The following PRIM2 variants were observed in gnomAD, a reference collection of about 807,000 sequenced individuals.
PRIM2 encodes the protein DNA primase large subunit.
In PRIM2, 39 loss-of-function variants were observed where a neutral mutation model predicts 67.3. The observed-to-expected ratio is 0.58, with a 90% CI of 0.45 to 0.76. PRIM2 has a LOEUF of 0.76. Among genes scored for constraint, PRIM2 ranks in the 30% least tolerant of loss-of-function variants. The pLI is 0.00. For synonymous variants in PRIM2, 143 were observed against 198.7 expected, an observed-to-expected ratio of 0.72 and a Z score of 2.36; for missense variants, 398 against 598.7, an observed-to-expected ratio of 0.66 and a Z score of 3.50.
At chr6:57,234,887 C>T in the PRIM2 span, among the ~76,000 whole-genome samples, 11 of 152,132 alleles carry the variant, frequency 7.2e-5, no homozygotes, top group Admixed American at 2.0e-4. Flanking sequence ...GGTATTGATT[C>T]GAAGGCCAGT....
At chr6:57,298,536 A>G in the PRIM2 span, among the ~76,000 whole-genome samples, 17 of 152,180 alleles carry the variant, frequency 1.1e-4, no homozygotes, top group African/African-American at 4.1e-4. Context: ...CCTGGGAAGC[A>G]GGGCTCGGGG....
intron 5 of PRIM2, among the ~76,000 whole-genome samples, chr6:57,367,574 T>C (rs1438918470): frequency 1.3e-5 from 2 of 152,212 alleles, no homozygotes; most frequent in Non-Finnish European, 2.9e-5. Context: ...TCTCACACTT[T>C]CGAGGGTTAG....
At chr6:57,334,067 C>A (rs1445021807) in intron 5 of PRIM2, among the ~76,000 whole-genome samples, 1 of 152,128 alleles carries the variant, frequency 6.6e-6, no homozygotes, top group Non-Finnish European at 1.5e-5. Flanking sequence ...TCTTTTCCTC[C>A]CTAACCACCC....
chr6:57,617,471 C>T (rs1243851269), intron 12 of PRIM2, among the ~76,000 whole-genome samples: 2 of 152,146 alleles, frequency 1.3e-5, no homozygotes, highest in Non-Finnish European at 2.9e-5. Context: ...GCAGTGATAT[C>T]TCATTGTGGT....
chr6:57,455,639 G>GAAA (rs1451220794), intron 7 of PRIM2, among the ~76,000 whole-genome samples: 1 of 151,962 alleles, frequency 6.6e-6, no homozygotes, highest in East Asian at 1.9e-4. Context: ...CATTTGCTTG[G>GAAA]TAGATCTTCC....
chr6:57,473,806 G>A (rs1286952887), intron 7 of PRIM2, among the ~76,000 whole-genome samples: 2 of 152,084 alleles, frequency 1.3e-5, no homozygotes, highest in African/African-American at 2.4e-5. Context: ...CCCTATCTGA[G>A]GAATATCTAG....
chr6:57,470,736 CTAGTTA>C (rs1773318068), intron 7 of PRIM2, among the ~76,000 whole-genome samples: 1 of 151,920 alleles, frequency 6.6e-6, no homozygotes, highest in Admixed American at 6.6e-5. Context: ...TAAAAGCTTA[CTAGTTA>C]TAGCTAGTTT....
chr6:57,598,515 C>T (rs1452140681), intron 10 of PRIM2, among the ~76,000 whole-genome samples: 1 of 152,094 alleles, frequency 6.6e-6, no homozygotes, highest in East Asian at 1.9e-4. Context: ...GTCAAAGGTA[C>T]ATTGTCTGCT....
At chr6:57,405,251 C>G (rs1157613607) in intron 7 of PRIM2, among the ~76,000 whole-genome samples, 5 of 152,292 alleles carry the variant, frequency 3.3e-5, no homozygotes, top group Non-Finnish European at 5.9e-5. Flanking sequence ...AAAGATGCAT[C>G]ACCTGTTAGT....
intron 5 of PRIM2, among the ~76,000 whole-genome samples, chr6:57,347,293 A>G (rs1281107620): frequency 6.6e-6 from 1 of 152,200 alleles, no homozygotes; most frequent in Non-Finnish European, 1.5e-5. Context: ...AGGAATATTT[A>G]TTGATGACTG....
the PRIM2 span, among the ~76,000 whole-genome samples, chr6:57,246,546 C>T: frequency 6.6e-6 from 1 of 152,018 alleles, no homozygotes; most frequent in African/African-American, 2.4e-5. Context: ...AATTCAAAAC[C>T]CCAGAGCGCA....
At chr6:57,369,913 A>G (rs370646479) in intron 5 of PRIM2, among the ~76,000 whole-genome samples, 18 of 152,384 alleles carry the variant, frequency 1.2e-4, no homozygotes, top group African/African-American at 4.3e-4. Context: ...AATTACAGGT[A>G]GTAACAACAA....
At chr6:57,619,627 G>T (rs1285249878) in intron 12 of PRIM2, among the ~76,000 whole-genome samples, 1 of 152,024 alleles carries the variant, frequency 6.6e-6, no homozygotes, top group Non-Finnish European at 1.5e-5. Flanking sequence ...AAATGCTCTG[G>T]AAAGTCTCAG....
rs1225095421 is a variant in PRIM2 at position 57,550,864 on chromosome 6, G to A, written c.1020+13239G>A. Among the ~76,000 whole-genome samples, 963 of 152,234 alleles carry A rather than the reference G, an allele frequency of 6.3e-3. 8 individuals are homozygous for A. The highest frequency in any genetic ancestry group is 0.022 in the African/African-American group (908 of 41,550). On this transcript the variant is annotated intron_variant, in intron 10 of 13. Coordinates refer to ENST00000615550, the MANE Select transcript of PRIM2 (RefSeq NM_000947.5). ...CCATGTCTCTGGACAAATTGGGTAC[G>A]TATAAGCTCCAAAATGGGTCAGACT...
intron 7 of PRIM2, among the ~76,000 whole-genome samples, chr6:57,500,552 C>T (rs1774110693): frequency 6.6e-6 from 1 of 152,204 alleles, no homozygotes. Flanking sequence ...AGTGTAAAAG[C>T]ATAGGATTGC....
intron 10 of PRIM2, among the ~76,000 whole-genome samples, chr6:57,573,408 C>G (rs1437303646): frequency 1.3e-5 from 2 of 151,920 alleles, no homozygotes; most frequent in African/African-American, 4.8e-5. Flanking sequence ...CATAGTCATC[C>G]TCAGCTTTTT....
At chr6:57,618,981 G>A (rs1185795998) in intron 12 of PRIM2, among the ~76,000 whole-genome samples, 1 of 152,174 alleles carries the variant, frequency 6.6e-6, no homozygotes, top group African/African-American at 2.4e-5. Flanking sequence ...CAAAAATGGA[G>A]CATTAAATCA....
chr6:57,338,133 A>G (rs541781392), intron 5 of PRIM2, among the ~76,000 whole-genome samples: 4 of 151,806 alleles, frequency 2.6e-5, no homozygotes, highest in Non-Finnish European at 5.9e-5. Context: ...TCCTCGACAC[A>G]TACACTCTCC....
At chr6:57,297,379 T>C in the PRIM2 span, among the ~76,000 whole-genome samples, 1 of 152,054 alleles carries the variant, frequency 6.6e-6, no homozygotes, top group Non-Finnish European at 1.5e-5. Context: ...GAGGTGAAGG[T>C]TGCAGTGAGC....
Sources: allele counts gnomAD v4.1 joint callset (sites outside exome capture counted in the v4.1 genomes callset), GRCh38; gene constraint gnomAD v4.1.1; transcripts MANE v1.5; gene names NCBI Gene and HGNC (gene_info 2026-07-23, HGNC 2026-07-21).